The following MEP1A variants were observed in gnomAD, a reference collection of about 807,000 sequenced individuals.
The protein encoded by MEP1A is meprin A subunit alpha, also known as N-benzoyl-L-tyrosyl-P-amino-benzoic acid hydrolase subunit alpha.
MEP1A carries 68 observed loss-of-function variants against 84.5 expected under a neutral mutation model. That is an observed-to-expected ratio of 0.80 (90% CI 0.66 to 0.98). The LOEUF (loss-of-function observed/expected upper bound fraction) is 0.98. Among genes scored for constraint, MEP1A ranks in the 50% least tolerant of loss-of-function variants. MEP1A has a pLI of 0.00. For missense variants in MEP1A, 887 were observed against 919.9 expected (o/e 0.96, Z 0.46); for synonymous variants, 337 against 336.8 (o/e 1.00, Z -0.01).
chr6:46,828,475 C>T (rs771627112), intron 9 of MEP1A, among the ~76,000 whole-genome samples: 14 of 152,158 alleles, frequency 9.2e-5, no homozygotes, highest in Non-Finnish European at 1.9e-4. Flanking sequence ...CACGGAGCAA[C>T]GCTGGAGTAT....
intron 7 of MEP1A, among the ~76,000 whole-genome samples, chr6:46,822,446 A>G (rs1767802088): frequency 6.6e-6 from 1 of 152,200 alleles, no homozygotes; most frequent in Non-Finnish European, 1.5e-5. Context: ...AACATGTTGA[A>G]TACATTTTCA....
At chr6:46,803,722 A>G (rs1287379143) in intron 5 of MEP1A, among the ~76,000 whole-genome samples, 1 of 134,026 alleles carries the variant, frequency 7.5e-6, no homozygotes, top group Non-Finnish European at 1.6e-5. Context: ...ATTCTACAAC[A>G]TGGCTACTAA....
chr6:46,844,073 T>C (rs192384273), downstream of MEP1A, among the ~76,000 whole-genome samples: 219 of 152,366 alleles, frequency 1.4e-3, 1 homozygote, highest in African/African-American at 5.1e-3. Flanking sequence ...TACTCAAATT[T>C]CTATATGCTT....
At chr6:46,800,793 C>T (rs1011632414) in intron 5 of MEP1A, among the ~76,000 whole-genome samples, 3 of 152,150 alleles carry the variant, frequency 2.0e-5, no homozygotes, top group Non-Finnish European at 2.9e-5. Context: ...AAGTTCCTTT[C>T]TAGGCAGTTC....
chr6:46,807,297 G>A (rs1319092472), intron 5 of MEP1A, among the ~76,000 whole-genome samples: 1 of 151,764 alleles, frequency 6.6e-6, no homozygotes, highest in Non-Finnish European at 1.5e-5. Flanking sequence ...TGTCAGGGCA[G>A]TTGGCTAGGA....
intron 5 of MEP1A, among the ~76,000 whole-genome samples, chr6:46,803,670 C>T (rs1356588088): frequency 6.6e-6 from 1 of 151,466 alleles, no homozygotes; most frequent in Non-Finnish European, 1.5e-5. Context: ...GATGAAAATT[C>T]ATATCACTTA....
intron 7 of MEP1A, among the ~76,000 whole-genome samples, chr6:46,823,975 T>C (rs1265121668): frequency 6.6e-6 from 1 of 152,194 alleles, no homozygotes; most frequent in Non-Finnish European, 1.5e-5. Flanking sequence ...AGGCTATTTC[T>C]GAAACAGAAG....
rs769834819 is a variant in MEP1A at position 46,798,468 on chromosome 6, G to A, written c.146-138G>A. ...TCACATTTGCTTAACTGGAATTTTTGCATTGTTTCAAAAAGTTTTGCCACA... is the reference window on the plus strand; with the variant it reads ...TCACATTTGCTTAACTGGAATTTTTACATTGTTTCAAAAAGTTTTGCCACA... On this transcript the variant is annotated intron_variant, in intron 3 of 13. Coordinates refer to ENST00000230588, the MANE Select transcript of MEP1A (RefSeq NM_005588.3). 453 of 697,328 alleles carry A rather than the reference G, an allele frequency of 6.5e-4. 2 individuals carry two copies. Among genetic ancestry groups the A allele is most frequent in the Non-Finnish European group, 9.7e-5 (39 of 402,622 alleles). 43.2% of individuals were successfully genotyped at this position (697,328 alleles called of 1,614,324 possible). A position where few individuals can be genotyped will look rare whatever the true frequency, so the allele number is the denominator to read the frequency against.
chr6:46,795,027 C>T (rs1767020010), intron 3 of MEP1A, among the ~76,000 whole-genome samples: 1 of 152,180 alleles, frequency 6.6e-6, no homozygotes, highest in Non-Finnish European at 1.5e-5. Context: ...TGGCCAGATT[C>T]TAACACCATA....
At chr6:46,820,048 T>G (rs573796127) in intron 7 of MEP1A, among the ~76,000 whole-genome samples, 1 of 152,362 alleles carries the variant, frequency 6.6e-6, no homozygotes, top group African/African-American at 2.4e-5. Flanking sequence ...TTTCTCTGGA[T>G]GTGAAATCTC....
intron 10 of MEP1A, among the ~76,000 whole-genome samples, chr6:46,831,864 G>A (rs1768084337): frequency 6.6e-6 from 1 of 152,164 alleles, no homozygotes; most frequent in South Asian, 2.1e-4. Flanking sequence ...CAGCTGCCTA[G>A]ATTTGTATGT....
intron 5 of MEP1A, among the ~76,000 whole-genome samples, chr6:46,807,455 CTTGAGCCTAGGAGTTCAAG>C (rs1187722480): frequency 6.7e-6 from 1 of 148,616 alleles, no homozygotes; most frequent in Non-Finnish European, 1.5e-5. Context: ...AGGAAGATCA[CTTGAGCCTAGGAGTTCAAG>C]TCGAGCCTGA....
At position 46,835,492 on chromosome 6, in the gene MEP1A, C is replaced by A; in HGVS notation, c.2027C>A (p.Pro676Gln). The change falls in exon 13 of 14, where the codon CCA becomes CAA. Residue 676 changes from proline (P) to glutamine (Q), a missense_variant. Transcript: ENST00000230588. ...CAGTACTTCAGAGACCCATGTGACCCAAACCCTTGCCAAAATGACGGCATC... is the reference window on the plus strand; with the variant it reads ...CAGTACTTCAGAGACCCATGTGACCAAAACCCTTGCCAAAATGACGGCATC... The part of the protein sequence containing the change: ...WPQYFRDPCD[P>Q]NPCQNDGICV... 6.2e-7 allele frequency: 1 copy of A among 1,613,508 alleles called. No homozygotes were observed. Among genetic ancestry groups the A allele is most frequent in the Non-Finnish European group, 8.5e-7 (1 of 1,179,780 alleles).
At position 46,825,482 on chromosome 6, in the gene MEP1A, T is replaced by G; in HGVS notation, c.767T>G (p.Met256Arg). The change falls in exon 8 of 14, where the codon ATG becomes AGG. Residue 256 changes from methionine to arginine, a missense_variant. Transcript: ENST00000230588. ...SAIDLERLNR[M>R]YNCTTTHTLL... The stretch of plus-strand genomic sequence containing the variant: ...ATTGATTTAGAGAGGCTGAACCGAA[T>G]GTACAATTGCAGTGAGTATCTCAGT... 1.2e-6 allele frequency: 2 copies of G among 1,610,214 alleles called. No individual in the cohort carries two copies. Among genetic ancestry groups the G allele is most frequent in the South Asian group, 1.1e-5 (1 of 90,762 alleles).
At chr6:46,794,251 C>T (rs1767000248) in intron 3 of MEP1A, among the ~76,000 whole-genome samples, 1 of 152,194 alleles carries the variant, frequency 6.6e-6, no homozygotes, top group African/African-American at 2.4e-5. Context: ...GTCATCATCT[C>T]TGTTTTCTCT....
chr6:46,837,739 A>T lies in MEP1A; in HGVS notation c.2085-1241A>T, dbSNP rs552353786. On this transcript the variant is annotated intron_variant, in intron 13 of 13. Transcript: ENST00000230588. ...AGTTTTTCTAAGGTAACACTAGGGG[A>T]TATCACTAAGTTGTGTTTGGAGAGG... is the stretch of plus-strand genomic sequence containing the variant. 1.3e-4 allele frequency among the ~76,000 whole-genome samples: 20 copies of T among 152,322 alleles called. No individual in the cohort carries two copies. The South Asian group carries it at 2.5e-3, about 19-fold the overall frequency.
At chr6:46,793,602 G>C (rs1562100984) in intron 2 of MEP1A, 26 bp downstream of exon 2, 2 of 1,560,346 alleles carry the variant, frequency 1.3e-6, no homozygotes, top group Non-Finnish European at 1.8e-6. Context: ...AATGCACAGA[G>C]AGTGTTTTTG....
intron 10 of MEP1A, among the ~76,000 whole-genome samples, chr6:46,830,247 TAAAAAAAAAAAAAAAAAAAA>T (rs56033423): frequency 2.0e-5 from 1 of 50,092 alleles, no homozygotes; most frequent in Non-Finnish European, 3.6e-5. Flanking sequence ...AGACTCCATC[TAAAAAAAAAAAAAAAAAAAA>T]AAAAAAAAAA....
At chr6:46,843,502 C>T (rs1174063857), downstream of MEP1A, among the ~76,000 whole-genome samples, 1 of 152,126 alleles carries the variant, frequency 6.6e-6, no homozygotes, top group African/African-American at 2.4e-5. Context: ...AATAACAAAC[C>T]CTCTGGTGTA....
Sources: allele counts gnomAD v4.1 joint callset (sites outside exome capture counted in the v4.1 genomes callset), GRCh38; gene constraint gnomAD v4.1.1; transcripts MANE v1.5; gene names NCBI Gene and HGNC (gene_info 2026-07-23, HGNC 2026-07-21).